The following OR4S2 variants were observed in gnomAD, a reference collection of about 807,000 sequenced individuals.
OR4S2 encodes olfactory receptor family 4 subfamily S member 2, also known as olfactory receptor 4S2.
Under a neutral mutation model 15.1 loss-of-function variants are expected in OR4S2, and 16 were observed. That is an observed-to-expected ratio of 1.06 (90% CI 0.72 to 1.61). OR4S2 has a LOEUF of 1.61. OR4S2 is among the 40% of genes most tolerant of loss of function. OR4S2 has a pLI of 0.00. For missense variants in OR4S2, 362 were observed against 379.6 expected (o/e 0.95, Z 0.38); for synonymous variants, 133 against 136.3 (o/e 0.98, Z 0.17).
chr11:55,650,081 C>T (rs1326736583), intron 1 of OR4S2, among the ~76,000 whole-genome samples: 3 of 138,716 alleles, frequency 2.2e-5, no homozygotes, highest in African/African-American at 7.5e-5. Context: ...GATTTAAGTT[C>T]ACGGCTGAAA....
intron 1 of OR4S2, 145 bp downstream of exon 1, chr11:55,648,695 G>A (rs1359778037): frequency 1.4e-5 from 2 of 138,062 alleles, no homozygotes; most frequent in Non-Finnish European, 3.2e-5. Context: ...AATCATGATA[G>A]TAAGATAGTA....
Position 55,651,016 on chromosome 11 carries a change from TG to T in OR4S2, c.116del (p.Gly39GlufsTer7). ...VFSFFYIIIL[L>X]GNLLIMLTVC... ...TCTTTCTTCTACATAATCATTCTTC[TG>T]GGAAATCTCCTCATCATGCTGACAG... On this transcript the variant is annotated frameshift_variant, in exon 2 of 2. Coordinates refer to ENST00000641692, the MANE Select transcript of OR4S2 (RefSeq NM_001004059.3). LOFTEE classifies it high-confidence loss of function. The T allele has an allele frequency of 1.4e-6, 2 of 1,462,474 alleles. No individual in the cohort carries two copies. Among genetic ancestry groups the T allele is most frequent in the African/African-American group, 2.8e-5 (2 of 72,456 alleles). 90.6% of individuals were successfully genotyped at this position (1,462,474 alleles called of 1,614,324 possible). A position where few individuals can be genotyped will look rare whatever the true frequency, so the allele number is the denominator to read the frequency against.
chr11:55,650,708 TC>T, intron 1 of OR4S2, among the ~76,000 whole-genome samples, 159 bp from the exon 2 acceptor site: 1 of 139,034 alleles, frequency 7.2e-6, no homozygotes, highest in African/African-American at 2.5e-5. Context: ...ACGAATGTGA[TC>T]TTATCTTGAG....
chr11:55,651,555 A>G lies in OR4S2; in HGVS notation c.652A>G (p.Ile218Val), dbSNP rs1251399108. 1.3e-6 allele frequency: 2 copies of G among 1,493,098 alleles called. 1 individual carries two copies. Among genetic ancestry groups the G allele is most frequent in the Non-Finnish European group, 1.8e-6 (2 of 1,097,716 alleles). The allele number at this position is 1,493,098 out of a possible 1,614,324, so 92.5% of individuals were successfully genotyped here. Reference sequence around the variant, plus strand: ...TGTTATCTTGCTAATCTCCTACAGCATCATCCTAGTTTCCCTGAGAAAGCA... The same window carrying G: ...TGTTATCTTGCTAATCTCCTACAGCGTCATCCTAGTTTCCCTGAGAAAGCA... ...SFVILLISYSIILVSLRKQSA... is the reference protein window; with the variant it reads ...SFVILLISYSVILVSLRKQSA... The change falls in exon 2 of 2, where the codon ATC becomes GTC. Residue 218 changes from isoleucine (I) to valine (V), a missense_variant. Ile to Val is a conservative substitution (Grantham distance 29). Coordinates refer to ENST00000641692, the MANE Select transcript of OR4S2 (RefSeq NM_001004059.3).
intron 1 of OR4S2, among the ~76,000 whole-genome samples, chr11:55,650,124 G>GAA (rs58622317): frequency 0.022 from 3,046 of 139,342 alleles, 385 homozygotes; most frequent in African/African-American, 0.073. Flanking sequence ...CAGTGAAATT[G>GAA]AAACTGTCAT....
In OR4S2 at chr11:55,651,412, A is replaced by G. The variant is rs1251158150; in HGVS notation, c.509A>G (p.Asn170Ser). 17 of 1,490,294 alleles carry G rather than the reference A, an allele frequency of 1.1e-5. 3 individuals carry two copies. The Admixed American group carries it at 2.2e-4, about 19-fold the overall frequency. The allele number at this position is 1,490,294 out of a possible 1,614,324, so 92.3% of individuals were successfully genotyped here. ...GTCCAACTACCCTTTTGTGGACCCAATGAGATAGATCACTACTTTTGTGAT... is the reference window on the plus strand; with the variant it reads ...GTCCAACTACCCTTTTGTGGACCCAGTGAGATAGATCACTACTTTTGTGAT... ...LVVQLPFCGP[N>S]EIDHYFCDVH... Residue 170 changes from asparagine to serine, a missense_variant, in exon 2 of 2, where the codon AAT (asparagine) becomes AGT (serine). Coordinates refer to ENST00000641692, the MANE Select transcript of OR4S2 (RefSeq NM_001004059.3).
Position 55,648,410 on chromosome 11 carries a change from G to C in OR4S2, c.-177G>C, listed in dbSNP as rs1174583699. On this transcript the variant is annotated 5_prime_UTR_variant, in exon 1 of 2. Transcript: ENST00000641692. Reference sequence around the variant, plus strand: ...TCATTTCTACCAGCCTTTCAGTTTGGGGGGTCAGGTATTTTCCGGTACTAA... The same window carrying C: ...TCATTTCTACCAGCCTTTCAGTTTGCGGGGTCAGGTATTTTCCGGTACTAA... The C allele has an allele frequency of 1.0e-4, 14 of 137,370 alleles. 3 individuals carry two copies. The highest frequency in any genetic ancestry group is 4.9e-5 in the Non-Finnish European group (3 of 61,838). 8.5% of individuals were successfully genotyped at this position (137,370 alleles called of 1,614,324 possible).
In OR4S2 at chr11:55,651,472, C is replaced by A. The variant is rs777460276; in HGVS notation, c.569C>A (p.Thr190Lys). 7.4e-6 allele frequency: 11 copies of A among 1,485,832 alleles called. 4 individuals carry two copies. Among genetic ancestry groups the A allele is most frequent in the Non-Finnish European group, 9.2e-6 (10 of 1,090,830 alleles). 92.0% of individuals were successfully genotyped at this position (1,485,832 alleles called of 1,614,324 possible). The change falls in exon 2 of 2, where the codon ACA becomes AAA. Residue 190 changes from threonine to lysine, a missense_variant. Physicochemically the swap from Thr to Lys is moderately conservative, Grantham distance 78. Transcript: ENST00000641692. ...GTGTTGAAACTTGCCTGCACAGAAA[C>A]ATACATTGTTGGTGTTGTTGTGACA... The part of the protein sequence containing the change: ...HPVLKLACTE[T>K]YIVGVVVTAN...
chr11:55,649,650 A>T lies in OR4S2; in HGVS notation c.-37+1100A>T, dbSNP rs80086123. 4.7e-3 allele frequency among the ~76,000 whole-genome samples: 659 copies of T among 139,022 alleles called. 46 individuals carry two copies. The highest frequency in any genetic ancestry group is 0.016 in the African/African-American group (643 of 40,136). 91.2% of individuals were successfully genotyped at this position (139,022 alleles called of 152,430 possible). On this transcript the variant is annotated intron_variant, in intron 1 of 1. Transcript: ENST00000641692. ...CATTGTAGTGCCTGAAATTTCACCA[A>T]TGAATATTCATCCATTTAGATAAAT...
intron 1 of OR4S2, among the ~76,000 whole-genome samples, chr11:55,650,570 A>C (rs1300382884): frequency 7.2e-6 from 1 of 138,994 alleles, no homozygotes; most frequent in Non-Finnish European, 1.6e-5. Context: ...ATAAAAACTA[A>C]ATAAAGTTTA....
At chr11:55,650,839 C>T (rs1858554058) in intron 1 of OR4S2, 29 bp from the exon 2 acceptor site, 1 of 770,816 alleles carries the variant, frequency 1.3e-6, no homozygotes, top group South Asian at 1.9e-5. Context: ...AAAATAAATA[C>T]AGTCCTTTTT....
chr11:55,651,880 C>T lies in OR4S2; in HGVS notation c.*41C>T, dbSNP rs369486852. On this transcript the variant is annotated 3_prime_UTR_variant, in exon 2 of 2. Transcript: ENST00000641692. Reference sequence around the variant, plus strand: ...TAAGCTAGATGACCTTAAAATTTCTCAGCCTTGGTTAACTCATCTGTGCAA... The same window carrying T: ...TAAGCTAGATGACCTTAAAATTTCTTAGCCTTGGTTAACTCATCTGTGCAA... The T allele has an allele frequency of 3.7e-5, 38 of 1,033,330 alleles. 6 individuals are homozygous for T. Among genetic ancestry groups the T allele is most frequent in the Non-Finnish European group, 4.9e-5 (35 of 709,824 alleles). 64.0% of individuals were successfully genotyped at this position (1,033,330 alleles called of 1,614,324 possible).
In OR4S2 at chr11:55,649,232, T is replaced by C. The variant is rs1858534425; in HGVS notation, c.-37+682T>C. ...CAGGATAACTGAAGAGGAATGAGCA[T>C]GTAAAAGCAGGGGATGTGCTTGAGA... On this transcript the variant is annotated intron_variant, in intron 1 of 1. Coordinates refer to ENST00000641692, the MANE Select transcript of OR4S2 (RefSeq NM_001004059.3). 1.4e-5 allele frequency among the ~76,000 whole-genome samples: 2 copies of C among 138,642 alleles called. 1 individual carries two copies. The highest frequency in any genetic ancestry group is 3.2e-5 in the Non-Finnish European group (2 of 62,214). 91.0% of individuals were successfully genotyped at this position (138,642 alleles called of 152,430 possible).
At chr11:55,649,355 G>A (rs1858536086) in intron 1 of OR4S2, among the ~76,000 whole-genome samples, 1 of 138,066 alleles carries the variant, frequency 7.2e-6, no homozygotes, top group Non-Finnish European at 1.6e-5. Context: ...ACTCTAACAT[G>A]AATACCTGAA....
chr11:55,651,266 T>C lies in OR4S2; in HGVS notation c.363T>C (p.Tyr121=). 1 of 1,479,760 alleles carries C rather than the reference T, an allele frequency of 6.8e-7. No individual in the cohort carries two copies. The highest frequency in any genetic ancestry group is 1.2e-5 in the South Asian group (1 of 84,650). The allele number at this position is 1,479,760 out of a possible 1,614,324, so 91.7% of individuals were successfully genotyped here. A position where few individuals can be genotyped will look rare whatever the true frequency, so the allele number is the denominator to read the frequency against. The change falls in exon 2 of 2, where the codon TAT becomes TAC. Residue 121 remains tyrosine (Y), a synonymous_variant. Transcript: ENST00000641692. ...FILTVMAYDR[Y]VAICKPLHYM... Reference sequence around the variant, plus strand: ...TTACTGTAATGGCCTATGATCGTTATGTGGCTATCTGTAAACCCCTACATT... The same window carrying C: ...TTACTGTAATGGCCTATGATCGTTACGTGGCTATCTGTAAACCCCTACATT...
At position 55,651,651 on chromosome 11, in the gene OR4S2, G is replaced by A. The variant is rs757570101; in HGVS notation, c.748G>A (p.Gly250Ser). 20 of 1,491,968 alleles carry A rather than the reference G, an allele frequency of 1.3e-5. 2 individuals are homozygous for A. The highest frequency in any genetic ancestry group is 5.2e-5 in the East Asian group (2 of 38,730). 92.4% of individuals were successfully genotyped at this position (1,491,968 alleles called of 1,614,324 possible). A position where few individuals can be genotyped will look rare whatever the true frequency, so the allele number is the denominator to read the frequency against. The change falls in exon 2 of 2, where the codon GGC becomes AGC. Residue 250 changes from glycine to serine, a missense_variant. By Grantham distance (56) the Gly-to-Ser change is moderately conservative. Coordinates refer to ENST00000641692, the MANE Select transcript of OR4S2 (RefSeq NM_001004059.3). ...CATTGCCATGGTCGTTATCTTTTTC[G>A]GCCCCTGTACTTTTATGTACATGCG... ...SHIAMVVIFF[G>S]PCTFMYMRPD...
At chr11:55,650,197 T>C (rs1406236531) in intron 1 of OR4S2, among the ~76,000 whole-genome samples, 1 of 139,054 alleles carries the variant, frequency 7.2e-6, no homozygotes, top group African/African-American at 2.5e-5. Flanking sequence ...GTTACAGTAG[T>C]ATCATTTTAG....
At chr11:55,650,161 G>A (rs1317684555) in intron 1 of OR4S2, among the ~76,000 whole-genome samples, 3 of 139,132 alleles carry the variant, frequency 2.2e-5, no homozygotes, top group African/African-American at 5.0e-5. Context: ...GAGAATTTCT[G>A]TTAAGTTAAA....
In OR4S2 at chr11:55,651,379, C is replaced by G; in HGVS notation, c.476C>G (p.Ala159Gly). The G allele has an allele frequency of 6.8e-7, 1 of 1,479,240 alleles. No individual in the cohort carries two copies. Among genetic ancestry groups the G allele is most frequent in the Non-Finnish European group, 9.2e-7 (1 of 1,084,918 alleles). 91.6% of individuals were successfully genotyped at this position (1,479,240 alleles called of 1,614,324 possible). A position where few individuals can be genotyped will look rare whatever the true frequency, so the allele number is the denominator to read the frequency against. ...GGFLHSIIQV[A>G]LVVQLPFCGP... ...TTCTTACACTCCATTATCCAAGTGG[C>G]TCTGGTAGTCCAACTACCCTTTTGT... is the stretch of plus-strand genomic sequence containing the variant. Residue 159 changes from alanine (A) to glycine (G), a missense_variant, in exon 2 of 2, where the codon GCT becomes GGT. Physicochemically the swap from Ala to Gly is moderately conservative, Grantham distance 60. Transcript: ENST00000641692.
Sources: allele counts gnomAD v4.1 joint callset (sites outside exome capture counted in the v4.1 genomes callset), GRCh38; gene constraint gnomAD v4.1.1; transcripts MANE v1.5; gene names NCBI Gene and HGNC (gene_info 2026-07-23, HGNC 2026-07-21).